IQSEC2: variants seen among roughly 807,000 people sequenced by gnomAD.
The protein encoded by IQSEC2 is IQ motif and Sec7 domain ArfGEF 2.
A neutral mutation model predicts 74.6 loss-of-function variants in IQSEC2; 6 were observed. The observed-to-expected ratio is 0.08, with a 90% CI of 0.04 to 0.16. The LOEUF (loss-of-function observed/expected upper bound fraction) is 0.16. Among genes scored for constraint, IQSEC2 ranks in the 10% least tolerant of loss-of-function variants. IQSEC2 has a pLI of 1.00. For missense variants in IQSEC2, 734 were observed against 1,306.2 expected (o/e 0.56, Z 6.75); for synonymous variants, 494 against 544.5 (o/e 0.91, Z 1.29).
chrX:53,236,946 T>A (rs989713650), intron 12 of IQSEC2, among the ~76,000 whole-genome samples: 4 of 111,537 alleles, frequency 3.6e-5, no homozygotes, highest in Non-Finnish European at 7.5e-5. Flanking sequence ...GTTCAGTCAG[T>A]TCTCAGATAC....
downstream of IQSEC2, chrX:53,228,694 A>G (rs782097766): frequency 8.9e-5 from 10 of 111,833 alleles, no homozygotes; most frequent in African/African-American, 2.6e-4. Context: ...TGATTCCTAA[A>G]TAGCTCTAGA....
intron 1 of IQSEC2, among the ~76,000 whole-genome samples, chrX:53,302,387 G>A (rs781889379): frequency 2.7e-5 from 3 of 112,708 alleles, no homozygotes; most frequent in African/African-American, 9.7e-5. Context: ...CTGTTTCCAA[G>A]TGCCTTGAAC....
intron 1 of IQSEC2, 123 bp from the exon 2 acceptor site, chrX:53,292,047 G>C (rs2075105743): frequency 3.6e-6 from 2 of 553,076 alleles, no homozygotes; most frequent in Admixed American, 6.6e-5. Flanking sequence ...ATGAGGGGAA[G>C]GGTTATTTCA....
intron 4 of IQSEC2, among the ~76,000 whole-genome samples, chrX:53,251,469 C>T (rs1224853384): frequency 9.0e-6 from 1 of 111,338 alleles, no homozygotes; most frequent in Non-Finnish European, 1.9e-5. Flanking sequence ...TCAAGCCAAA[C>T]GTTACCTCCT....
chrX:53,317,606 C>T (rs1040532109), intron 1 of IQSEC2, among the ~76,000 whole-genome samples: 1 of 111,654 alleles, frequency 9.0e-6, no homozygotes, highest in Non-Finnish European at 1.9e-5. Context: ...CACAGCGGGG[C>T]CCCCCCAACA....
chrX:53,263,843 G>A (rs782293332), intron 2 of IQSEC2, among the ~76,000 whole-genome samples: 5 of 112,187 alleles, frequency 4.5e-5, no homozygotes, highest in Middle Eastern at 9.3e-3. Flanking sequence ...TAAAGTGTCC[G>A]TCTCCCACCC....
In IQSEC2 at chrX:53,277,275, A is replaced by G. The variant is rs782488991; in HGVS notation, c.737+14620T>C. Reference sequence around the variant, plus strand: ...TGCCCTGGCTGGAGTGCAGGGGCGCAATCTCGGCTCACTGCAACCTCCGCC... The same window carrying G: ...TGCCCTGGCTGGAGTGCAGGGGCGCGATCTCGGCTCACTGCAACCTCCGCC... On this transcript the variant is annotated intron_variant, in intron 2 of 14. Transcript: ENST00000642864. Among the ~76,000 whole-genome samples the G allele has an allele frequency of 6.4e-5, 7 of 109,679 alleles. No homozygotes were observed. The East Asian group carries it at 2.0e-3, about 31-fold the overall frequency.
At chrX:53,267,640 A>G (rs1556867954) in intron 2 of IQSEC2, among the ~76,000 whole-genome samples, 1 of 111,463 alleles carries the variant, frequency 9.0e-6, no homozygotes, top group African/African-American at 3.3e-5. Context: ...TATTTCCTGA[A>G]GGTTCAGGCT....
rs781999132 is a variant in IQSEC2, at chrX:53,256,018, C to G, written c.781G>C (p.Asp261His). 4.2e-6 allele frequency: 5 copies of G among 1,186,887 alleles called. No homozygotes were observed. The highest frequency in any genetic ancestry group is 5.7e-6 in the Non-Finnish European group (5 of 882,232). ...TAGGGGGGTTGGCTCCCAGGACTAT[C>G]AACCGCTGTGCTCAGGTCACTGCCT... Reference protein sequence around the residue: ...APGSDLSTAVDSPGSQPPYRL... With the variant: ...APGSDLSTAVHSPGSQPPYRL... Residue 261 changes from aspartate (D) to histidine (H), a missense_variant, in exon 3 of 15, where the codon GAT becomes CAT. Physicochemically the swap from Asp to His is moderately conservative, Grantham distance 81 (BLOSUM62 -1). Around this residue, in one of 12 missense-constraint regions of IQSEC2, gnomAD observed 54 missense variants for 62.1 expected, o/e 0.87. Transcript: ENST00000642864.
At chrX:53,314,147 A>G (rs1031286091) in intron 1 of IQSEC2, among the ~76,000 whole-genome samples, 2 of 111,860 alleles carry the variant, frequency 1.8e-5, no homozygotes, top group Admixed American at 9.5e-5. Flanking sequence ...GCCTACCCCA[A>G]GAGAATTCTG....
chrX:53,245,684 AT>A (rs1438367459), intron 8 of IQSEC2, among the ~76,000 whole-genome samples: 2 of 109,528 alleles, frequency 1.8e-5, no homozygotes, highest in African/African-American at 6.6e-5. Flanking sequence ...CATCTGTACC[AT>A]TTTTAGTAGC....
At chrX:53,279,569 C>A in intron 2 of IQSEC2, 1 of 1,177,544 alleles carries the variant, frequency 8.5e-7, no homozygotes, top group Non-Finnish European at 1.2e-6. Flanking sequence ...CTTACCTGCT[C>A]TCTGCCAGCC....
intron 1 of IQSEC2, among the ~76,000 whole-genome samples, chrX:53,315,969 C>T (rs1352803340): frequency 8.9e-6 from 1 of 111,971 alleles, no homozygotes; most frequent in African/African-American, 3.3e-5. Flanking sequence ...CCTCACCCAC[C>T]GCCCAGGTAC....
chrX:53,284,102 G>A (rs1943520132), intron 2 of IQSEC2, among the ~76,000 whole-genome samples: 1 of 111,218 alleles, frequency 9.0e-6, no homozygotes, highest in South Asian at 3.8e-4. Context: ...AGAGCAATTT[G>A]GAAGCCTGTG....
In IQSEC2 at chrX:53,267,208, A is replaced by C. The variant is rs1190155429; in HGVS notation, c.738-11147T>G. ...GACGAGAATGGGGGTCAGGGTGGGGAGGCCAGTGTGATGGATTATCCAGGG... is the reference window on the plus strand; with the variant it reads ...GACGAGAATGGGGGTCAGGGTGGGGCGGCCAGTGTGATGGATTATCCAGGG... On this transcript the variant is annotated intron_variant, in intron 2 of 14. Coordinates refer to ENST00000642864, the MANE Select transcript of IQSEC2 (RefSeq NM_001111125.3). 49 of 931,819 alleles carry C rather than the reference A, an allele frequency of 5.3e-5. No homozygotes were observed. In the East Asian group the frequency reaches 1.6e-3, roughly 31 times the overall value. 76.8% of individuals were successfully genotyped at this position (931,819 alleles called of 1,213,427 possible).
intron 1 of IQSEC2, among the ~76,000 whole-genome samples, chrX:53,313,149 T>A (rs1280551858): frequency 8.9e-6 from 1 of 112,052 alleles, no homozygotes; most frequent in Non-Finnish European, 1.9e-5. Context: ...GGCAGGGCAG[T>A]CTCATGTATT....
Position 53,320,870 on chromosome X carries a change from C to T in IQSEC2, c.254G>A (p.Arg85His), listed in dbSNP as rs1556880243. 8.6e-7 allele frequency: 1 copy of T among 1,164,919 alleles called. No homozygotes were observed. The highest frequency in any genetic ancestry group is 1.1e-6 in the Non-Finnish European group (1 of 871,949). ...DPHGARDSPG[R>H]ESQYQNLRET... ...GCGCAGGTTCTGGTACTGGCTCTCG[C>T]GGCCCGGGCTATCCCGCGCGCCGTG... Residue 85 changes from arginine (R) to histidine (H), a missense_variant, in exon 1 of 15, where the codon CGC becomes CAC. Physicochemically the swap from Arg to His is conservative, Grantham distance 29 (BLOSUM62 0). Around this residue, in one of 12 missense-constraint regions of IQSEC2, gnomAD observed 134 missense variants for 214.9 expected, o/e 0.62. Transcript: ENST00000642864.
At chrX:53,256,603 G>A (rs1475337628) in intron 2 of IQSEC2, among the ~76,000 whole-genome samples, 1 of 110,968 alleles carries the variant, frequency 9.0e-6, no homozygotes, top group Non-Finnish European at 1.9e-5. Flanking sequence ...CCTGCACACA[G>A]CTCTCCCCTC....
At chrX:53,252,506 C>A (rs1423296218) in intron 4 of IQSEC2, among the ~76,000 whole-genome samples, 1 of 111,844 alleles carries the variant, frequency 8.9e-6, no homozygotes, top group South Asian at 3.8e-4. Flanking sequence ...CTCAGACCCC[C>A]CAACCTGGGG....
Sources: gnomAD v4.1 joint callset for allele counts (sites outside exome capture counted in the v4.1 genomes callset) on GRCh38, gnomAD v4.1.1 for gene constraint, gnomAD v4.1.1 regional missense constraint, MANE v1.5 for transcripts, NCBI Gene and HGNC (gene_info 2026-07-23, HGNC 2026-07-21) for gene names.